The following LRRTM4 variants were observed in gnomAD, a reference collection of about 807,000 sequenced individuals.
LRRTM4 encodes leucine rich repeat transmembrane neuronal 4, also known as leucine-rich repeat transmembrane neuronal protein 4.
Under a neutral mutation model 47.6 loss-of-function variants are expected in LRRTM4, and 25 were observed. That is an observed-to-expected ratio of 0.53 (90% CI 0.38 to 0.73). LRRTM4 has a LOEUF of 0.73. Among genes scored for constraint, LRRTM4 ranks in the 30% least tolerant of loss-of-function variants. LRRTM4 has a pLI of 0.00. For missense variants in LRRTM4, 638 were observed against 713.4 expected, an observed-to-expected ratio of 0.89 and a Z score of 1.20; for synonymous variants, 311 against 269.5, an observed-to-expected ratio of 1.15 and a Z score of -1.51.
intron 3 of LRRTM4, among the ~76,000 whole-genome samples, chr2:77,057,782 C>T (rs751474969): frequency 5.3e-5 from 8 of 152,118 alleles, no homozygotes; most frequent in Non-Finnish European, 1.0e-4. Context: ...AAAATACATA[C>T]ATACCTACAA....
intron 3 of LRRTM4, among the ~76,000 whole-genome samples, chr2:77,330,101 C>A (rs535629437): frequency 2.0e-5 from 3 of 152,116 alleles, no homozygotes; most frequent in East Asian, 3.9e-4. Context: ...TTGGCTGGAA[C>A]CTTGGATGAT....
Position 76,761,413 on chromosome 2 carries a change from A to G in LRRTM4, c.1552-12497T>C, listed in dbSNP as rs185183424. 3.5e-3 allele frequency among the ~76,000 whole-genome samples: 539 copies of G among 152,250 alleles called. 5 individuals carry two copies. Among genetic ancestry groups the G allele is most frequent in the African/African-American group, 0.012 (513 of 41,550 alleles). ...AGTTACCATCAATTTGGTTATGTAT[A>G]TATTCTATTCTTTTGTCTAAAGTTA... On this transcript the variant is annotated intron_variant, in intron 3 of 3. Transcript: ENST00000409884.
chr2:76,944,305 T>A (rs1289051223), intron 3 of LRRTM4, among the ~76,000 whole-genome samples: 1 of 152,138 alleles, frequency 6.6e-6, no homozygotes, highest in East Asian at 1.9e-4. Context: ...TCTCTGACAC[T>A]CAAATCTGTA....
chr2:76,908,396 G>A (rs1347356323), intron 3 of LRRTM4, among the ~76,000 whole-genome samples: 2 of 151,606 alleles, frequency 1.3e-5, no homozygotes, highest in Admixed American at 1.3e-4. Context: ...ATACTGAATG[G>A]GCAAAAACTG....
intron 3 of LRRTM4, among the ~76,000 whole-genome samples, chr2:76,793,925 C>T (rs191207739): frequency 6.6e-6 from 1 of 152,080 alleles, no homozygotes; most frequent in Non-Finnish European, 1.5e-5. Context: ...TTCTATGGGA[C>T]ACAGAAAAGA....
At chr2:76,994,733 A>T (rs538001671) in intron 3 of LRRTM4, among the ~76,000 whole-genome samples, 1 of 152,158 alleles carries the variant, frequency 6.6e-6, no homozygotes, top group South Asian at 2.1e-4. Flanking sequence ...TTATCTCATG[A>T]TTTTATGAAC....
chr2:77,016,363 G>A (rs903399394), intron 3 of LRRTM4, among the ~76,000 whole-genome samples: 2 of 146,912 alleles, frequency 1.4e-5, no homozygotes, highest in African/African-American at 2.6e-5. Context: ...CCAGCCTGGC[G>A]ACAGAGGGAG....
chr2:76,818,545 T>A (rs1573163647), intron 3 of LRRTM4, among the ~76,000 whole-genome samples: 1 of 151,820 alleles, frequency 6.6e-6, no homozygotes, highest in African/African-American at 2.4e-5. Context: ...TTACCAGCCT[T>A]CTCTTTTTCA....
chr2:76,762,810 A>C (rs1411255092), intron 3 of LRRTM4, among the ~76,000 whole-genome samples: 3 of 152,088 alleles, frequency 2.0e-5, no homozygotes, highest in African/African-American at 7.2e-5. Context: ...CCACAGTATA[A>C]CTCTTTAATG....
At chr2:77,474,841 T>C (rs1677324440) in intron 3 of LRRTM4, among the ~76,000 whole-genome samples, 1 of 152,092 alleles carries the variant, frequency 6.6e-6, no homozygotes, top group Non-Finnish European at 1.5e-5. Flanking sequence ...AGGGTAAATA[T>C]GATGAAATGT....
chr2:77,249,114 C>A (rs1392113515), intron 3 of LRRTM4, among the ~76,000 whole-genome samples: 1 of 151,968 alleles, frequency 6.6e-6, no homozygotes, highest in Admixed American at 6.6e-5. Context: ...CTTTGGGAGG[C>A]TGAGGCATGT....
chr2:77,027,312 AGAG>A (rs1400751190), intron 3 of LRRTM4, among the ~76,000 whole-genome samples: 1 of 152,194 alleles, frequency 6.6e-6, no homozygotes, highest in Non-Finnish European at 1.5e-5. Flanking sequence ...TTATAAAGGT[AGAG>A]GAGATGAATT....
At chr2:77,490,605 C>T (rs1678109552) in intron 3 of LRRTM4, among the ~76,000 whole-genome samples, 1 of 147,690 alleles carries the variant, frequency 6.8e-6, no homozygotes, top group South Asian at 2.2e-4. Context: ...GCTATCTTAC[C>T]ATAAAGTATC....
chr2:77,383,430 G>A (rs572485398), intron 3 of LRRTM4, among the ~76,000 whole-genome samples: 7 of 151,754 alleles, frequency 4.6e-5, no homozygotes, highest in South Asian at 2.1e-4. Flanking sequence ...TTTCTTATAC[G>A]TGTTCCTTTT....
At chr2:76,897,141 A>T (rs1427993752) in intron 3 of LRRTM4, among the ~76,000 whole-genome samples, 1 of 152,132 alleles carries the variant, frequency 6.6e-6, no homozygotes, top group African/African-American at 2.4e-5. Flanking sequence ...ACGTACTCTG[A>T]GAACTTGTGA....
At chr2:77,344,516 A>G (rs1484711008) in intron 3 of LRRTM4, among the ~76,000 whole-genome samples, 2 of 151,918 alleles carry the variant, frequency 1.3e-5, no homozygotes, top group Admixed American at 6.6e-5. Context: ...AACAAAAAAG[A>G]TCAGGGGAAA....
chr2:76,909,501 C>A (rs375765417), intron 3 of LRRTM4, among the ~76,000 whole-genome samples: 2,939 of 151,604 alleles, frequency 0.019, 93 homozygotes, highest in African/African-American at 0.063. Flanking sequence ...AATGGGATCT[C>A]ATTAAACTAA....
At chr2:76,989,262 C>T (rs995613957) in intron 3 of LRRTM4, among the ~76,000 whole-genome samples, 20 of 151,786 alleles carry the variant, frequency 1.3e-4, no homozygotes, top group African/African-American at 4.4e-4. Flanking sequence ...ATGGTATCTA[C>T]AATGGTCTGT....
chr2:77,430,388 A>T (rs975426709), intron 3 of LRRTM4, among the ~76,000 whole-genome samples: 11 of 152,164 alleles, frequency 7.2e-5, no homozygotes, highest in African/African-American at 2.7e-4. Context: ...TTATAATAAG[A>T]CATTTTAGGT....
Sources: allele counts gnomAD v4.1 joint callset (sites outside exome capture counted in the v4.1 genomes callset), GRCh38; gene constraint gnomAD v4.1.1; transcripts MANE v1.5; gene names NCBI Gene and HGNC (gene_info 2026-07-23, HGNC 2026-07-21).